Variants in DECR1 observed in about 807,000 individuals in gnomAD.
DECR1 encodes the protein 2,4-dienoyl-CoA reductase 1.
A neutral mutation model predicts 38.8 loss-of-function variants in DECR1; 44 were observed. That is an observed-to-expected ratio of 1.13 (90% CI 0.89 to 1.46). DECR1 has a LOEUF of 1.46. Ranked by LOEUF, DECR1 falls within the 40% of genes most tolerant of loss-of-function variation. The pLI, the probability that DECR1 is intolerant of heterozygous loss-of-function variation, is 0.00. For missense variants in DECR1, 428 were observed against 405.5 expected (o/e 1.06, Z -0.48); for synonymous variants, 148 against 135.2 (o/e 1.09, Z -0.66).
chr8:90,005,881 A>T lies in DECR1; in HGVS notation c.69+4320A>T, dbSNP rs1478234910. 4 of 347,718 alleles carry T rather than the reference A, an allele frequency of 1.2e-5. No homozygotes were observed. In the Admixed American group the frequency reaches 1.6e-4, roughly 14 times the overall value. 21.5% of individuals were successfully genotyped at this position (347,718 alleles called of 1,614,324 possible). On this transcript the variant is annotated intron_variant, in intron 1 of 9. Coordinates refer to ENST00000220764, the MANE Select transcript of DECR1 (RefSeq NM_001359.2). ...GCTGGAGTTTGCAGAGATGGAAGTGAGGGGGTGTTGGGAGGTGCCGGCAAG... is the reference window on the plus strand; with the variant it reads ...GCTGGAGTTTGCAGAGATGGAAGTGTGGGGGTGTTGGGAGGTGCCGGCAAG...
At chr8:90,037,051 T>C in intron 6 of DECR1, 111 bp downstream of exon 6, 2 of 722,202 alleles carry the variant, frequency 2.8e-6, no homozygotes, top group Non-Finnish European at 4.7e-6. Flanking sequence ...AAACAAAGAC[T>C]TGGATTCACC....
intron 8 of DECR1, among the ~76,000 whole-genome samples, chr8:90,050,310 A>G (rs952412766): frequency 5.3e-5 from 8 of 151,998 alleles, no homozygotes; most frequent in Non-Finnish European, 4.4e-5. Flanking sequence ...GAATCTACAA[A>G]GAACTTAAAT....
chr8:90,036,649 T>C (rs185851582), intron 5 of DECR1, among the ~76,000 whole-genome samples, 192 bp from the exon 6 acceptor site: 2 of 152,322 alleles, frequency 1.3e-5, no homozygotes, highest in African/African-American at 4.8e-5. Flanking sequence ...TCCTAAATCA[T>C]AAGATTAGTA....
intron 1 of DECR1, among the ~76,000 whole-genome samples, chr8:90,010,416 T>A (rs1416890866): frequency 1.3e-5 from 2 of 152,198 alleles, no homozygotes; most frequent in Non-Finnish European, 2.9e-5. Context: ...AAGGACCACA[T>A]ACACTGTGCT....
intron 1 of DECR1, chr8:90,015,509 A>G (rs1812985858): frequency 2.8e-6 from 1 of 361,226 alleles, no homozygotes; most frequent in Non-Finnish European, 5.6e-6. Flanking sequence ...ATTTAACATC[A>G]CATTATAAAC....
chr8:90,025,873 C>A lies in DECR1; in HGVS notation c.565+4817C>A, dbSNP rs564684330. On this transcript the variant is annotated intron_variant, in intron 5 of 9. Transcript: ENST00000220764. ...GGCTCTGGGTTTGTCATAAATAGCT[C>A]TTATTATTTTGAGATACGTCCCATC... Among the ~76,000 whole-genome samples the A allele has an allele frequency of 1.4e-4, 22 of 152,214 alleles. No homozygotes were observed. The South Asian group carries it at 4.2e-3, about 29-fold the overall frequency.
At chr8:90,019,002 G>GAATTATAACA (rs757630614) in intron 3 of DECR1, 36 bp downstream of exon 3, 67 of 1,574,830 alleles carry the variant, frequency 4.3e-5, no homozygotes, top group Non-Finnish European at 5.7e-5. Flanking sequence ...TTAGATTTAG[G>GAATTATAACA]AATTATAACA....
chr8:90,007,586 T>C (rs558190177), intron 1 of DECR1, among the ~76,000 whole-genome samples: 2 of 152,096 alleles, frequency 1.3e-5, no homozygotes, highest in Non-Finnish European at 2.9e-5. Flanking sequence ...AATCTTGGCC[T>C]TGTAGCTTAA....
chr8:90,005,634 C>T (rs1812720045), intron 1 of DECR1: 1 of 360,880 alleles, frequency 2.8e-6, no homozygotes, highest in Non-Finnish European at 5.4e-6. Flanking sequence ...CTGTTCATAC[C>T]CAACGATCCT....
At chr8:90,047,821 T>G (rs1813951400) in intron 8 of DECR1, among the ~76,000 whole-genome samples, 2 of 152,104 alleles carry the variant, frequency 1.3e-5, no homozygotes, top group Admixed American at 6.5e-5. Context: ...GAACAGAAAT[T>G]ATAACAAACT....
intron 2 of DECR1, among the ~76,000 whole-genome samples, chr8:90,018,166 G>A (rs1813057391): frequency 6.6e-6 from 1 of 152,236 alleles, no homozygotes; most frequent in Non-Finnish European, 1.5e-5. Context: ...GGGATTACAG[G>A]CGTGAGCCAC....
At chr8:90,005,471 A>G (rs868132863) in intron 1 of DECR1, 2 of 456,122 alleles carry the variant, frequency 4.4e-6, no homozygotes, top group Middle Eastern at 3.3e-4. Context: ...TAAAGATGGA[A>G]GCCAAAGTAT....
chr8:90,022,457 T>A (rs1025293158), intron 5 of DECR1, among the ~76,000 whole-genome samples: 2 of 152,100 alleles, frequency 1.3e-5, no homozygotes, highest in Non-Finnish European at 2.9e-5. Flanking sequence ...GCAGAATGGA[T>A]GTGATTTATA....
At chr8:90,026,090 A>G (rs1384378767) in intron 5 of DECR1, among the ~76,000 whole-genome samples, 1 of 152,156 alleles carries the variant, frequency 6.6e-6, no homozygotes, top group Non-Finnish European at 1.5e-5. Flanking sequence ...ATCATGGTGG[A>G]TAAGCTTTTT....
At chr8:90,010,835 C>A (rs1812866349) in intron 1 of DECR1, among the ~76,000 whole-genome samples, 2 of 152,118 alleles carry the variant, frequency 1.3e-5, no homozygotes, top group Non-Finnish European at 2.9e-5. Context: ...GGTATATGTC[C>A]TTATCATGAA....
rs1364384807 is a variant in DECR1, at chr8:90,051,562, C to T, written c.886-115C>T. 3 of 737,584 alleles carry T rather than the reference C, an allele frequency of 4.1e-6. No homozygotes were observed. In the Admixed American group the frequency reaches 8.8e-5, roughly 22 times the overall value. The allele number at this position is 737,584 out of a possible 1,614,324, so 45.7% of individuals were successfully genotyped here. A position where few individuals can be genotyped will look rare whatever the true frequency, so the allele number is the denominator to read the frequency against. On this transcript the variant is annotated intron_variant, in intron 8 of 9. Coordinates refer to ENST00000220764, the MANE Select transcript of DECR1 (RefSeq NM_001359.2). ...ATGAGTTTTATCTTTAAAATTTGGG[C>T]TTGATTTAAAGTGCCAAAGAGATAT...
intron 1 of DECR1, chr8:90,005,749 G>T: frequency 3.2e-6 from 1 of 310,508 alleles, no homozygotes; most frequent in South Asian, 2.8e-5. Context: ...ATAAAGAAAA[G>T]GGTTTGTTTG....
intron 1 of DECR1, among the ~76,000 whole-genome samples, chr8:90,012,141 ATTTTC>A (rs1812899268): frequency 1.4e-5 from 2 of 141,764 alleles, no homozygotes; most frequent in Non-Finnish European, 3.1e-5. Flanking sequence ...ATTGATTTAG[ATTTTC>A]TTTTCTTTTC....
intron 8 of DECR1, 58 bp downstream of exon 8, chr8:90,045,053 G>T (rs1447322990): frequency 3.2e-6 from 5 of 1,583,974 alleles, no homozygotes; most frequent in Non-Finnish European, 4.3e-6. Flanking sequence ...GGGCAGGGAG[G>T]TCTGTTGTGG....
Sources: gnomAD v4.1 joint callset for allele counts (sites outside exome capture counted in the v4.1 genomes callset) on GRCh38, gnomAD v4.1.1 for gene constraint, MANE v1.5 for transcripts, NCBI Gene and HGNC (gene_info 2026-07-23, HGNC 2026-07-21) for gene names.